Variants in PDS5A observed in about 807,000 individuals in gnomAD.
PDS5A encodes the protein sister chromatid cohesion protein PDS5 homolog A.
In PDS5A, 42 loss-of-function variants were observed where a neutral mutation model predicts 167.1. That is an observed-to-expected ratio of 0.25 (90% CI 0.20 to 0.33). The LOEUF (loss-of-function observed/expected upper bound fraction) is 0.33. PDS5A is among the 10% of genes least tolerant of loss of function. The pLI, the probability that PDS5A is intolerant of heterozygous loss-of-function variation, is 1.00. For missense variants in PDS5A, 1,033 were observed against 1,605.9 expected, an observed-to-expected ratio of 0.64 and a Z score of 6.10; for synonymous variants, 553 against 554.6, an observed-to-expected ratio of 1.00 and a Z score of 0.04.
intron 2 of PDS5A, among the ~76,000 whole-genome samples, chr4:39,940,284 G>T (rs143354490): frequency 6.6e-6 from 1 of 152,016 alleles, no homozygotes; most frequent in Non-Finnish European, 1.5e-5. Flanking sequence ...TAGTGAAAAT[G>T]TAAGAAAACC....
At chr4:39,918,482 G>A (rs1049639443) in intron 7 of PDS5A, among the ~76,000 whole-genome samples, 2 of 152,034 alleles carry the variant, frequency 1.3e-5, no homozygotes, top group Non-Finnish European at 2.9e-5. Context: ...TGCCTCAGGG[G>A]CAATTGTATG....
At chr4:39,842,909 T>TTATATA (rs71194933) in intron 30 of PDS5A, among the ~76,000 whole-genome samples, 3,363 of 92,190 alleles carry the variant, frequency 0.036, 203 homozygotes, top group African/African-American at 0.059. Context: ...TATCCTATTT[T>TTATATA]TATATATATA....
chr4:39,937,844 C>T (rs1436017927), intron 2 of PDS5A, among the ~76,000 whole-genome samples: 1 of 152,224 alleles, frequency 6.6e-6, no homozygotes, highest in African/African-American at 2.4e-5. Context: ...ACAATTTCAC[C>T]TCTGGTGGTG....
At chr4:39,858,603 A>C (rs999748533) in intron 26 of PDS5A, among the ~76,000 whole-genome samples, 2 of 152,178 alleles carry the variant, frequency 1.3e-5, no homozygotes, top group African/African-American at 4.8e-5. Flanking sequence ...AAAAACTATA[A>C]GTCATGGAAG....
At chr4:39,954,560 A>G (rs1407754820) in intron 2 of PDS5A, among the ~76,000 whole-genome samples, 1 of 150,948 alleles carries the variant, frequency 6.6e-6, no homozygotes, top group Non-Finnish European at 1.5e-5. Flanking sequence ...ACCTCAGGTG[A>G]TCCACCCGCC....
At chr4:39,836,497 C>T (rs1376764104) in intron 32 of PDS5A, among the ~76,000 whole-genome samples, 5 of 152,018 alleles carry the variant, frequency 3.3e-5, no homozygotes, top group African/African-American at 9.7e-5. Context: ...TGCAATGGCG[C>T]AATCTCTGCT....
intron 2 of PDS5A, among the ~76,000 whole-genome samples, chr4:39,934,073 T>C (rs1726343745): frequency 6.6e-6 from 1 of 152,212 alleles, no homozygotes; most frequent in Non-Finnish European, 1.5e-5. Context: ...GTGCTGGTAC[T>C]AATCTATTAA....
chr4:39,840,876 T>C (rs1026041155), intron 31 of PDS5A, among the ~76,000 whole-genome samples: 1 of 152,008 alleles, frequency 6.6e-6, no homozygotes, highest in African/African-American at 2.4e-5. Context: ...TGTCTCGACC[T>C]CTTGAGTAGC....
chr4:39,887,830 G>A (rs560580991), intron 17 of PDS5A, among the ~76,000 whole-genome samples: 13 of 151,852 alleles, frequency 8.6e-5, no homozygotes, highest in African/African-American at 2.4e-4. Context: ...CTGTGTCAAC[G>A]GATTAATAAC....
rs373786474 is a variant in PDS5A, at chr4:39,967,480, T to C, written c.138+8960A>G. Among the ~76,000 whole-genome samples the C allele has an allele frequency of 2.7e-5, 4 of 150,074 alleles. No individual in the cohort carries two copies. The East Asian group carries it at 8.0e-4, about 30-fold the overall frequency. The stretch of plus-strand genomic sequence containing the variant: ...GACCAACATGGTGAAACCCCGTCTC[T>C]ATTAAAAATACAAAATATTAGCCAA... On this transcript the variant is annotated intron_variant, in intron 2 of 32. Coordinates refer to ENST00000303538, the MANE Select transcript of PDS5A (RefSeq NM_001100399.2).
At chr4:39,906,690 G>C (rs1723379536) in intron 11 of PDS5A, among the ~76,000 whole-genome samples, 1 of 151,770 alleles carries the variant, frequency 6.6e-6, no homozygotes, top group Admixed American at 6.6e-5. Context: ...AATGAAGCAA[G>C]AGGATCACTT....
chr4:39,841,928 T>C lies in PDS5A; in HGVS notation c.3657+20A>G. ...ATAATCTCCATGGAAAAAATCCACT[T>C]GTTAAATTTTAAAATTTACCTTATT... is the stretch of plus-strand genomic sequence containing the variant. On this transcript the variant is annotated intron_variant, in intron 31 of 32. Coordinates refer to ENST00000303538, the MANE Select transcript of PDS5A (RefSeq NM_001100399.2). 1 of 1,332,486 alleles carries C rather than the reference T, an allele frequency of 7.5e-7. No homozygotes were observed. Among genetic ancestry groups the C allele is most frequent in the Non-Finnish European group, 1.1e-6 (1 of 926,930 alleles). 82.5% of individuals were successfully genotyped at this position (1,332,486 alleles called of 1,614,324 possible).
intron 19 of PDS5A, among the ~76,000 whole-genome samples, chr4:39,875,687 T>C (rs1411085770): frequency 1.3e-5 from 2 of 152,184 alleles, no homozygotes; most frequent in Non-Finnish European, 2.9e-5. Context: ...GAGATAGGGA[T>C]GTCCATGACC....
At chr4:39,887,505 G>T (rs1338082726) in intron 17 of PDS5A, among the ~76,000 whole-genome samples, 1 of 152,094 alleles carries the variant, frequency 6.6e-6, no homozygotes, top group East Asian at 1.9e-4. Flanking sequence ...TTGAAAGCAG[G>T]TTGCTAGTAT....
intron 9 of PDS5A, among the ~76,000 whole-genome samples, chr4:39,912,194 A>T (rs1723953785): frequency 6.6e-6 from 1 of 152,234 alleles, no homozygotes; most frequent in Admixed American, 6.5e-5. Context: ...TAATTATGGA[A>T]AATAATACTG....
chr4:39,953,411 G>A (rs1448621421), intron 2 of PDS5A, among the ~76,000 whole-genome samples: 2 of 150,170 alleles, frequency 1.3e-5, no homozygotes, highest in Non-Finnish European at 3.0e-5. Flanking sequence ...ACCATCAATG[G>A]TGAAGAATCA....
intron 2 of PDS5A, among the ~76,000 whole-genome samples, chr4:39,960,404 G>C (rs926646817): frequency 6.6e-6 from 1 of 152,160 alleles, no homozygotes; most frequent in Admixed American, 6.6e-5. Context: ...CTGGGTCTAG[G>C]CACAATTGTA....
At chr4:39,966,076 C>T (rs1729941054) in intron 2 of PDS5A, among the ~76,000 whole-genome samples, 1 of 152,176 alleles carries the variant, frequency 6.6e-6, no homozygotes, top group Non-Finnish European at 1.5e-5. Flanking sequence ...CCTCCCTTCA[C>T]AAATGTACAC....
At chr4:39,936,603 ATT>A (rs368750679) in intron 2 of PDS5A, 4,889 of 151,822 alleles carry the variant, frequency 0.032, 112 homozygotes, top group Non-Finnish European at 0.046. Flanking sequence ...AATTTTTTTT[ATT>A]TTTAGTAGAG....
Sources: allele counts gnomAD v4.1 joint callset (sites outside exome capture counted in the v4.1 genomes callset), GRCh38; gene constraint gnomAD v4.1.1; transcripts MANE v1.5; gene names NCBI Gene and HGNC (gene_info 2026-07-23, HGNC 2026-07-21).